The following LRRC4C variants were observed in gnomAD, a reference collection of about 807,000 sequenced individuals.
The protein encoded by LRRC4C is leucine-rich repeat-containing protein 4C.
In LRRC4C, 5 loss-of-function variants were observed where a neutral mutation model predicts 33.6. That is an observed-to-expected ratio of 0.15 (90% CI 0.08 to 0.31). LRRC4C has a LOEUF of 0.31. LRRC4C is among the 10% of genes least tolerant of loss of function. LRRC4C has a pLI of 1.00. For missense variants in LRRC4C, 560 were observed against 796.7 expected (o/e 0.70, Z 3.58); for synonymous variants, 329 against 302.0 (o/e 1.09, Z -0.93).
intron 2 of LRRC4C, among the ~76,000 whole-genome samples, chr11:40,707,242 C>T (rs1045925265): frequency 6.6e-6 from 1 of 152,058 alleles, no homozygotes; most frequent in Non-Finnish European, 1.5e-5. Flanking sequence ...AACTTCCAAC[C>T]CTATGTTGAA....
chr11:41,015,353 G>A (rs1481831255), intron 1 of LRRC4C, among the ~76,000 whole-genome samples: 1 of 151,982 alleles, frequency 6.6e-6, no homozygotes, highest in African/African-American at 2.4e-5. Flanking sequence ...TTTTGAGACA[G>A]GGTCTTGCTC....
intron 3 of LRRC4C, among the ~76,000 whole-genome samples, chr11:40,477,557 T>A (rs1590861180): frequency 6.6e-6 from 1 of 152,030 alleles, no homozygotes; most frequent in Non-Finnish European, 1.5e-5. Flanking sequence ...AAAAAAAAAG[T>A]CTTCTAATTG....
chr11:40,329,322 T>C (rs1455319497), intron 3 of LRRC4C, among the ~76,000 whole-genome samples: 1 of 152,176 alleles, frequency 6.6e-6, no homozygotes, highest in Non-Finnish European at 1.5e-5. Context: ...CAAAAAGACA[T>C]GTAGCTGAAA....
At chr11:40,831,093 T>C (rs887273732) in intron 2 of LRRC4C, among the ~76,000 whole-genome samples, 1 of 152,124 alleles carries the variant, frequency 6.6e-6, no homozygotes, top group Non-Finnish European at 1.5e-5. Context: ...GTAGCAGTGA[T>C]AGAGAAGCAA....
At position 40,880,167 on chromosome 11, in the gene LRRC4C, G is replaced by C. The variant is rs538573697; in HGVS notation, c.-407+53468C>G. Among the ~76,000 whole-genome samples the C allele has an allele frequency of 5.9e-5, 9 of 152,178 alleles. No homozygotes were observed. In the South Asian group the frequency reaches 8.3e-4, roughly 14 times the overall value. On this transcript the variant is annotated intron_variant, in intron 2 of 6. Transcript: ENST00000528697. ...TAGAGCCGCCTGCCAGACCTGAGAGGGGGGAAGACTTTGAGGCGACTTCAG... is the reference window on the plus strand; with the variant it reads ...TAGAGCCGCCTGCCAGACCTGAGAGCGGGGAAGACTTTGAGGCGACTTCAG...
intron 1 of LRRC4C, among the ~76,000 whole-genome samples, chr11:41,212,434 G>T (rs1946860354): frequency 6.6e-6 from 1 of 152,202 alleles, no homozygotes; most frequent in South Asian, 2.1e-4. Context: ...TTTAAGTTCA[G>T]GGGTACATGT....
At chr11:40,485,179 T>C (rs1335582511) in intron 3 of LRRC4C, among the ~76,000 whole-genome samples, 7 of 151,994 alleles carry the variant, frequency 4.6e-5, no homozygotes, top group Admixed American at 4.6e-4. Flanking sequence ...AAATTTGATA[T>C]AATTTGAACA....
intron 1 of LRRC4C, among the ~76,000 whole-genome samples, chr11:40,936,335 T>TG (rs1367936124): frequency 6.9e-6 from 1 of 143,990 alleles, no homozygotes; most frequent in Non-Finnish European, 1.5e-5. Flanking sequence ...ATCTAACACT[T>TG]GTTTTTTTTT....
chr11:40,382,169 A>G (rs1428239966), intron 3 of LRRC4C, among the ~76,000 whole-genome samples: 1 of 129,146 alleles, frequency 7.7e-6, no homozygotes, highest in African/African-American at 3.0e-5. Flanking sequence ...TTTCTAGTAG[A>G]GACAGGGTTT....
intron 3 of LRRC4C, among the ~76,000 whole-genome samples, chr11:40,365,109 G>GAAAAA (rs200733412): frequency 1.5e-5 from 2 of 136,668 alleles, no homozygotes; most frequent in African/African-American, 5.5e-5. Flanking sequence ...GATCCACAAA[G>GAAAAA]AAAAAAAAAA....
intron 2 of LRRC4C, among the ~76,000 whole-genome samples, chr11:40,670,959 T>G (rs975466209): frequency 1.3e-4 from 20 of 152,268 alleles, no homozygotes; most frequent in African/African-American, 4.8e-4. Context: ...GAGATGGGGT[T>G]TCACCGTGTT....
At chr11:40,569,762 C>T (rs984234120) in intron 3 of LRRC4C, among the ~76,000 whole-genome samples, 7 of 151,886 alleles carry the variant, frequency 4.6e-5, no homozygotes, top group East Asian at 1.9e-4. Flanking sequence ...AAATGAAAAA[C>T]GGACCTCTAT....
chr11:40,502,362 TATTC>T (rs971698590), intron 3 of LRRC4C, among the ~76,000 whole-genome samples: 18 of 152,120 alleles, frequency 1.2e-4, no homozygotes, highest in African/African-American at 4.3e-4. Context: ...CAATTTACTG[TATTC>T]ATTCATTTTC....
intron 5 of LRRC4C, among the ~76,000 whole-genome samples, chr11:40,203,177 T>C (rs1024055923): frequency 3.9e-5 from 6 of 152,102 alleles, no homozygotes; most frequent in Non-Finnish European, 8.8e-5. Context: ...TGTGGCTCCC[T>C]GAAAGAACTG....
At chr11:41,115,776 G>C (rs1942087494) in intron 1 of LRRC4C, among the ~76,000 whole-genome samples, 1 of 152,048 alleles carries the variant, frequency 6.6e-6, no homozygotes, top group Non-Finnish European at 1.5e-5. Context: ...CATTGTCCTT[G>C]TCAGTCTCCC....
At chr11:41,416,053 T>C (rs2138268570) in intron 1 of LRRC4C, among the ~76,000 whole-genome samples, 1 of 152,098 alleles carries the variant, frequency 6.6e-6, no homozygotes, top group South Asian at 2.1e-4. Context: ...AGGTCTAGGT[T>C]TGGGGAAGGA....
chr11:40,135,784 G>C (rs1856929867), intron 6 of LRRC4C, among the ~76,000 whole-genome samples: 1 of 152,168 alleles, frequency 6.6e-6, no homozygotes, highest in Admixed American at 6.5e-5. Context: ...AATAATGCAA[G>C]TTACTTAAAC....
At chr11:40,806,955 A>G (rs893123313) in intron 2 of LRRC4C, among the ~76,000 whole-genome samples, 2 of 152,118 alleles carry the variant, frequency 1.3e-5, no homozygotes, top group African/African-American at 2.4e-5. Context: ...AGAGTTGAGT[A>G]GGATTAAAAA....
chr11:41,242,637 T>C (rs776894519), intron 1 of LRRC4C, among the ~76,000 whole-genome samples: 2 of 152,198 alleles, frequency 1.3e-5, no homozygotes, highest in Non-Finnish European at 2.9e-5. Context: ...CATGAGGTGC[T>C]AGTGCTGTGT....
Sources: allele counts gnomAD v4.1 joint callset (sites outside exome capture counted in the v4.1 genomes callset), GRCh38; gene constraint gnomAD v4.1.1; transcripts MANE v1.5; gene names NCBI Gene and HGNC (gene_info 2026-07-23, HGNC 2026-07-21).